STXBP6: variants seen among roughly 807,000 people sequenced by gnomAD.
STXBP6 encodes syntaxin-binding protein 6.
Under a neutral mutation model 26.9 loss-of-function variants are expected in STXBP6, and 21 were observed. The ratio of observed to expected loss-of-function variants is 0.78; its 90% CI spans 0.55 to 1.12. The LOEUF is 1.12. STXBP6 is among the 50% of genes most tolerant of loss of function. The pLI is 0.00. For synonymous variants in STXBP6, 97 were observed against 92.6 expected (o/e 1.05, Z -0.27); for missense variants, 232 against 257.9 (o/e 0.90, Z 0.69).
At chr14:24,816,083 A>C (rs2138692369) in intron 5 of STXBP6, 1 of 152,340 alleles carries the variant, frequency 6.6e-6, no homozygotes, top group Non-Finnish European at 1.5e-5. Context: ...GGACTCTACA[A>C]AGGTGTGCCA....
chr14:25,002,359 C>CTTTTTTTTTTTTTTTCTTTTTT (rs1365586543), intron 1 of STXBP6, among the ~76,000 whole-genome samples: 2 of 121,356 alleles, frequency 1.6e-5, no homozygotes, highest in African/African-American at 6.8e-5. Context: ...ATTCTTATGA[C>CTTTTTTTTTTTTTTTCTTTTTT]TTTTTTTTTT....
rs552865315 is a variant in STXBP6 at position 24,942,679 on chromosome 14, T to C, written c.154+31986A>G. Reference sequence around the variant, plus strand: ...CAACTGCCTTTGATCTGAGGTCAGGTAGTGCTGTGAAGGCCATGAAAAGAG... The same window carrying C: ...CAACTGCCTTTGATCTGAGGTCAGGCAGTGCTGTGAAGGCCATGAAAAGAG... On this transcript the variant is annotated intron_variant, in intron 2 of 5. Transcript: ENST00000323944. Among the ~76,000 whole-genome samples the C allele has an allele frequency of 2.6e-5, 4 of 152,344 alleles. No homozygotes were observed. In the East Asian group the frequency reaches 7.7e-4, roughly 29 times the overall value.
At chr14:25,013,260 G>A (rs2075070815) in intron 1 of STXBP6, among the ~76,000 whole-genome samples, 1 of 152,090 alleles carries the variant, frequency 6.6e-6, no homozygotes, top group African/African-American at 2.4e-5. Context: ...TAGATAAATG[G>A]AAAGAATCGA....
chr14:25,042,642 C>A (rs989432902), intron 1 of STXBP6, among the ~76,000 whole-genome samples: 2 of 152,194 alleles, frequency 1.3e-5, no homozygotes, highest in Non-Finnish European at 2.9e-5. Flanking sequence ...CATTCCGAAG[C>A]CATCTTCTCT....
intron 2 of STXBP6, among the ~76,000 whole-genome samples, chr14:24,962,893 A>AC (rs2073596023): frequency 6.6e-6 from 1 of 150,682 alleles, no homozygotes; most frequent in Admixed American, 6.6e-5. Flanking sequence ...AAACTGAAAA[A>AC]AAAAAATCCA....
chr14:24,953,534 C>T (rs192931897), intron 2 of STXBP6, among the ~76,000 whole-genome samples: 18 of 152,304 alleles, frequency 1.2e-4, no homozygotes, highest in African/African-American at 4.3e-4. Flanking sequence ...CCACGCTTTC[C>T]GCATGTCCCC....
chr14:24,864,585 A>AC (rs2069654035), intron 2 of STXBP6, among the ~76,000 whole-genome samples: 2 of 152,136 alleles, frequency 1.3e-5, no homozygotes, highest in Non-Finnish European at 2.9e-5. Context: ...TGTCATGTGC[A>AC]CATGGATCTC....
chr14:24,980,101 C>T (rs554033073), intron 1 of STXBP6, among the ~76,000 whole-genome samples: 2 of 152,138 alleles, frequency 1.3e-5, no homozygotes, highest in Non-Finnish European at 2.9e-5. Context: ...ATACTAAATG[C>T]TACAAAACAG....
At chr14:24,943,377 C>T (rs905944627) in intron 2 of STXBP6, among the ~76,000 whole-genome samples, 5 of 151,380 alleles carry the variant, frequency 3.3e-5, no homozygotes, top group African/African-American at 1.2e-4. Context: ...GAGGTACCCA[C>T]CTGGACTCCT....
rs914855932 is a variant in STXBP6, at chr14:24,886,111, G to A, written c.155-28954C>T. 5.3e-5 allele frequency among the ~76,000 whole-genome samples: 8 copies of A among 152,242 alleles called. No homozygotes were observed. The East Asian group carries it at 1.5e-3, about 29-fold the overall frequency. On this transcript the variant is annotated intron_variant, in intron 2 of 5. Coordinates refer to ENST00000323944, the MANE Select transcript of STXBP6 (RefSeq NM_001394410.1). ...TATCTTCTTCAGGGCAGGACACTCC[G>A]ACAACACTTTCTGTATATGACCTGC...
At chr14:24,931,866 G>C (rs1302658038) in intron 2 of STXBP6, among the ~76,000 whole-genome samples, 1 of 152,156 alleles carries the variant, frequency 6.6e-6, no homozygotes, top group Non-Finnish European at 1.5e-5. Flanking sequence ...GCTATACAAA[G>C]AATCAGGAAG....
At chr14:25,022,503 C>T (rs1014508417) in intron 1 of STXBP6, among the ~76,000 whole-genome samples, 1 of 152,140 alleles carries the variant, frequency 6.6e-6, no homozygotes, top group Non-Finnish European at 1.5e-5. Flanking sequence ...AGAGGTAGAA[C>T]TTGATCTATA....
intron 4 of STXBP6, among the ~76,000 whole-genome samples, chr14:24,839,277 T>C (rs1363363256): frequency 6.6e-6 from 1 of 152,178 alleles, no homozygotes; most frequent in African/African-American, 2.4e-5. Context: ...GGAATGGAAT[T>C]CCTTTCTCTT....
chr14:24,899,770 G>A (rs1309276880), intron 2 of STXBP6, among the ~76,000 whole-genome samples: 1 of 97,506 alleles, frequency 1.0e-5, no homozygotes, highest in East Asian at 3.5e-4. Context: ...AACAGAGCGA[G>A]ACTACATTTC....
intron 1 of STXBP6, among the ~76,000 whole-genome samples, chr14:24,989,418 C>G (rs1055246088): frequency 1.3e-5 from 2 of 152,198 alleles, no homozygotes; most frequent in African/African-American, 4.8e-5. Context: ...GAAATCGTCA[C>G]AGCGATTTGG....
rs3219652 is a variant in STXBP6 at position 25,013,466 on chromosome 14, T to TCACACACACA, written c.-33+36402_-33+36411dup. Among the ~76,000 whole-genome samples the TCACACACACA allele has an allele frequency of 9.0e-3, 1,295 of 143,318 alleles. 6 individuals carry two copies. The highest frequency in any genetic ancestry group is 0.011 in the Non-Finnish European group (734 of 64,978). The allele number at this position is 143,318 out of a possible 152,430, so 94.0% of individuals were successfully genotyped here. A position where few individuals can be genotyped will look rare whatever the true frequency, so the allele number is the denominator to read the frequency against. ...ACCATTGGCTATCAACATCTCTCTT[T>TCACACACACA]CACACACACACACACACACACACAC... is the stretch of plus-strand genomic sequence containing the variant. On this transcript the variant is annotated intron_variant, in intron 1 of 5. Coordinates refer to ENST00000323944, the MANE Select transcript of STXBP6 (RefSeq NM_001394410.1).
At chr14:24,906,656 A>T (rs557131508) in intron 2 of STXBP6, among the ~76,000 whole-genome samples, 18 of 152,210 alleles carry the variant, frequency 1.2e-4, no homozygotes, top group African/African-American at 4.3e-4. Flanking sequence ...GCTGAAGGAA[A>T]ATGAAGGATA....
At chr14:25,046,151 A>C (rs2075724224) in intron 1 of STXBP6, among the ~76,000 whole-genome samples, 1 of 152,226 alleles carries the variant, frequency 6.6e-6, no homozygotes, top group South Asian at 2.1e-4. Context: ...AAAGGGAGCA[A>C]AGATACCATG....
At chr14:25,009,607 C>G (rs992202030) in intron 1 of STXBP6, among the ~76,000 whole-genome samples, 1 of 152,300 alleles carries the variant, frequency 6.6e-6, no homozygotes, top group Admixed American at 6.5e-5. Flanking sequence ...CACAACGTCA[C>G]CTACTCTTTG....
Sources: allele counts gnomAD v4.1 joint callset (sites outside exome capture counted in the v4.1 genomes callset), GRCh38; gene constraint gnomAD v4.1.1; transcripts MANE v1.5; gene names NCBI Gene and HGNC (gene_info 2026-07-23, HGNC 2026-07-21).